The following EFCC1 variants were observed in gnomAD, a reference collection of about 807,000 sequenced individuals.
EFCC1 encodes the protein EF-hand and coiled-coil domain-containing protein 1.
In EFCC1, 50 loss-of-function variants were observed where a neutral mutation model predicts 52.1. The observed-to-expected ratio is 0.96, with a 90% confidence interval of 0.76 to 1.21. The LOEUF is 1.21. EFCC1 is among the 50% of genes most tolerant of loss of function. The pLI is 0.00. For missense variants in EFCC1, 837 were observed against 867.3 expected (o/e 0.97, Z 0.44); for synonymous variants, 399 against 396.5 (o/e 1.01, Z -0.08).
intron 2 of EFCC1, among the ~76,000 whole-genome samples, chr3:129,009,324 G>C (rs79211169): frequency 6.6e-6 from 1 of 152,156 alleles, no homozygotes; most frequent in Non-Finnish European, 1.5e-5. Flanking sequence ...CTGGATTCAG[G>C]TACTCACGTA....
intron 6 of EFCC1, among the ~76,000 whole-genome samples, chr3:129,037,898 C>CAA (rs747476450): frequency 4.1e-5 from 4 of 96,520 alleles, no homozygotes; most frequent in Admixed American, 1.1e-4. Context: ...CCCACCTCTA[C>CAA]AAAAAAAAAA....
intron 1 of EFCC1, chr3:129,002,541 C>T: frequency 1.1e-6 from 1 of 938,054 alleles, no homozygotes; most frequent in East Asian, 3.3e-5. Flanking sequence ...TATTCCATTC[C>T]TGAAAACCCC....
chr3:129,008,269 G>T (rs1361788300), intron 2 of EFCC1, among the ~76,000 whole-genome samples: 1 of 152,190 alleles, frequency 6.6e-6, no homozygotes, highest in Non-Finnish European at 1.5e-5. Context: ...CTGGCCCCTG[G>T]CCTCATGCAG....
chr3:129,003,304 C>G, intron 1 of EFCC1: 1 of 984,138 alleles, frequency 1.0e-6, no homozygotes. Flanking sequence ...TATTGAGCAC[C>G]TACTATGTGC....
intron 2 of EFCC1, among the ~76,000 whole-genome samples, chr3:129,018,819 C>G (rs563395065): frequency 1.9e-4 from 29 of 152,324 alleles, no homozygotes; most frequent in Non-Finnish European, 3.8e-4. Context: ...TGTTTGCACC[C>G]CATTGGCGGC....
intron 2 of EFCC1, among the ~76,000 whole-genome samples, chr3:129,013,258 CA>C (rs1487779290): frequency 3.3e-5 from 5 of 152,016 alleles, no homozygotes; most frequent in African/African-American, 1.2e-4. Flanking sequence ...AAAAAAATGA[CA>C]AAAAATAAAA....
intron 2 of EFCC1, among the ~76,000 whole-genome samples, chr3:129,023,869 G>A (rs1945978053): frequency 6.6e-6 from 1 of 152,208 alleles, no homozygotes; most frequent in South Asian, 2.1e-4. Flanking sequence ...TAGGAACTGG[G>A]AATGGTAGGA....
At chr3:129,034,115 G>T in intron 4 of EFCC1, 49 bp from the exon 5 acceptor site, 1 of 1,611,168 alleles carries the variant, frequency 6.2e-7, no homozygotes, top group Middle Eastern at 1.7e-4. Flanking sequence ...GGACAGAGCG[G>T]GCTCTGGGAA....
intron 2 of EFCC1, among the ~76,000 whole-genome samples, chr3:129,004,526 C>T (rs1944983339): frequency 1.4e-5 from 2 of 139,934 alleles, no homozygotes; most frequent in South Asian, 2.5e-4. Context: ...CATCATCCAT[C>T]CATCCCCCCA....
At chr3:129,005,904 A>G (rs1945053534) in intron 2 of EFCC1, among the ~76,000 whole-genome samples, 2 of 152,284 alleles carry the variant, frequency 1.3e-5, no homozygotes, top group Admixed American at 6.5e-5. Flanking sequence ...ACTTTATCCA[A>G]GAGGAGAAAT....
chr3:129,029,226 A>T (rs984532276), intron 2 of EFCC1, among the ~76,000 whole-genome samples: 1 of 152,224 alleles, frequency 6.6e-6, no homozygotes, highest in Non-Finnish European at 1.5e-5. Context: ...TGGCCAGTTT[A>T]ATAAGTGGCC....
Position 129,032,947 on chromosome 3 carries a change from C to T in EFCC1, c.1267C>T (p.Leu423Phe). Residue 423 changes from leucine to phenylalanine, a missense_variant, in exon 4 of 8, where the codon CTC (leucine) becomes TTC (phenylalanine). Physicochemically the swap from Leu to Phe is conservative, Grantham distance 22. Coordinates refer to ENST00000683648, the MANE Select transcript of EFCC1 (RefSeq NM_001377500.1). ...CGAGGCCAAGACACTGCTGGCCCGG[C>T]TCTCCAGCTGCAGAGGCAGGTGTGT... ...AAEAKTLLAR[L>F]SSCRGRCDDQ... The T allele has an allele frequency of 6.5e-7, 1 of 1,545,374 alleles. No homozygotes were observed. The highest frequency in any genetic ancestry group is 8.7e-7 in the Non-Finnish European group (1 of 1,143,588).
At chr3:129,036,472 C>T (rs1946354741) in intron 5 of EFCC1, among the ~76,000 whole-genome samples, 1 of 152,248 alleles carries the variant, frequency 6.6e-6, no homozygotes, top group African/African-American at 2.4e-5. Context: ...GTTTAGGTGG[C>T]CCCCTGGCCA....
At chr3:129,028,221 TTACA>T (rs764997977) in intron 2 of EFCC1, among the ~76,000 whole-genome samples, 1,829 of 152,084 alleles carry the variant, frequency 0.012, 16 homozygotes, top group Admixed American at 0.019. Context: ...GTAGCTGGGA[TTACA>T]GGTGCCCGCC....
intron 2 of EFCC1, among the ~76,000 whole-genome samples, chr3:129,016,560 A>T (rs1945594126): frequency 6.7e-6 from 1 of 149,342 alleles, no homozygotes; most frequent in Admixed American, 6.7e-5. Context: ...CCTGCCTGCC[A>T]GCTTCCCTTC....
intron 2 of EFCC1, among the ~76,000 whole-genome samples, chr3:129,024,042 C>A (rs1235243387): frequency 6.6e-6 from 1 of 152,230 alleles, no homozygotes; most frequent in Non-Finnish European, 1.5e-5. Context: ...ACCCCTAAAT[C>A]CCATTCATTC....
intron 7 of EFCC1, among the ~76,000 whole-genome samples, chr3:129,039,161 C>T (rs1218332689): frequency 6.6e-6 from 1 of 152,144 alleles, no homozygotes; most frequent in Non-Finnish European, 1.5e-5. Context: ...GGGAGGTGCC[C>T]CAAGGGTTTT....
intron 2 of EFCC1, among the ~76,000 whole-genome samples, chr3:129,012,629 G>C (rs766307282): frequency 1.3e-5 from 2 of 152,234 alleles, no homozygotes; most frequent in Non-Finnish European, 2.9e-5. Context: ...CAGGCTACTA[G>C]GATAGTCCTG....
Position 129,030,822 on chromosome 3 carries a change from AGT to A in EFCC1, c.1101_1102del (p.Gln367HisfsTer12). ...GACCCCACTCCAGAGGGAGCCTGGC[AGT>A]CAGACAGCAGCTCTGGAAGCAGAGC... On this transcript the variant is annotated frameshift_variant, in exon 3 of 8. Transcript: ENST00000683648. LOFTEE classifies it high-confidence loss of function. The A allele has an allele frequency of 6.4e-7, 1 of 1,551,514 alleles. No individual in the cohort carries two copies. Among genetic ancestry groups the A allele is most frequent in the Non-Finnish European group, 8.7e-7 (1 of 1,146,876 alleles).
Sources: gnomAD v4.1 joint callset for allele counts (sites outside exome capture counted in the v4.1 genomes callset) on GRCh38, gnomAD v4.1.1 for gene constraint, MANE v1.5 for transcripts, NCBI Gene and HGNC (gene_info 2026-07-23, HGNC 2026-07-21) for gene names.